The following RPS6KC1 variants were observed in gnomAD, a reference collection of about 807,000 sequenced individuals.
RPS6KC1 encodes the protein ribosomal protein S6 kinase C1.
In RPS6KC1, 54 loss-of-function variants were observed where a neutral mutation model predicts 103.8. That is an observed-to-expected ratio of 0.52 (90% CI 0.42 to 0.65). RPS6KC1 has a LOEUF of 0.65. RPS6KC1 is among the 30% of genes least tolerant of loss of function. RPS6KC1 has a pLI of 0.00. For synonymous variants in RPS6KC1, 439 were observed against 438.7 expected, an observed-to-expected ratio of 1.00 and a Z score of -0.01; for missense variants, 1,151 against 1,253.8, an observed-to-expected ratio of 0.92 and a Z score of 1.24.
the RPS6KC1 span, among the ~76,000 whole-genome samples, chr1:213,475,249 T>C: frequency 6.6e-6 from 1 of 152,130 alleles, no homozygotes; most frequent in Admixed American, 6.5e-5. Context: ...GGGCCTCCTT[T>C]CCCCACTCAC....
chr1:213,154,496 C>T (rs2089639849), intron 6 of RPS6KC1, among the ~76,000 whole-genome samples: 1 of 152,220 alleles, frequency 6.6e-6, no homozygotes, highest in African/African-American at 2.4e-5. Context: ...TCTTCCTTCC[C>T]TTTTCTGAAG....
the RPS6KC1 span, among the ~76,000 whole-genome samples, chr1:213,642,889 C>T: frequency 0.02 from 2,976 of 151,750 alleles, 76 homozygotes; most frequent in African/African-American, 0.068. Flanking sequence ...AGGGAGGTAG[C>T]GTATTTTTTC....
the RPS6KC1 span, among the ~76,000 whole-genome samples, chr1:213,471,980 T>C: frequency 6.6e-6 from 1 of 152,150 alleles, no homozygotes; most frequent in Non-Finnish European, 1.5e-5. Context: ...AACACAGCTG[T>C]AGGACTCAAC....
chr1:213,188,860 A>C (rs748294778), intron 8 of RPS6KC1, among the ~76,000 whole-genome samples: 1 of 151,734 alleles, frequency 6.6e-6, no homozygotes, highest in Non-Finnish European at 1.5e-5. Context: ...ATGTAAATAT[A>C]GACCCGATTA....
the RPS6KC1 span, among the ~76,000 whole-genome samples, chr1:213,571,538 T>C: frequency 6.6e-6 from 1 of 152,186 alleles, no homozygotes; most frequent in East Asian, 1.9e-4. Flanking sequence ...AGATGGCCAT[T>C]CCCCAGGCTC....
At chr1:213,490,892 C>T in the RPS6KC1 span, among the ~76,000 whole-genome samples, 1 of 152,172 alleles carries the variant, frequency 6.6e-6, no homozygotes, top group Non-Finnish European at 1.5e-5. Flanking sequence ...ACCTCACCTT[C>T]CGTTTCTCAC....
chr1:213,290,144 CAA>C, the RPS6KC1 span, among the ~76,000 whole-genome samples: 9 of 70,094 alleles, frequency 1.3e-4, no homozygotes, highest in Non-Finnish European at 1.5e-4. Context: ...GACTCCGTCT[CAA>C]AAAAAAAAAA....
chr1:213,850,474 T>C, the RPS6KC1 span, among the ~76,000 whole-genome samples: 1 of 152,182 alleles, frequency 6.6e-6, no homozygotes, highest in East Asian at 1.9e-4. Context: ...TGTTCTACCC[T>C]GCTACACAGG....
rs553651951 is a variant in RPS6KC1, at chr1:213,072,383, T to C, written c.141+1342T>C. On this transcript the variant is annotated intron_variant, in intron 2 of 14. Transcript: ENST00000366960. ...TTTGTCCTATGATTTAAAACAGATATATTTTTATACAAAAATTAGCTGGGC... is the reference window on the plus strand; with the variant it reads ...TTTGTCCTATGATTTAAAACAGATACATTTTTATACAAAAATTAGCTGGGC... Among the ~76,000 whole-genome samples, 12 of 152,186 alleles carry C rather than the reference T, an allele frequency of 7.9e-5. No homozygotes were observed. In the East Asian group the frequency reaches 1.7e-3, roughly 22 times the overall value.
At chr1:213,354,853 A>G in the RPS6KC1 span, among the ~76,000 whole-genome samples, 9 of 152,200 alleles carry the variant, frequency 5.9e-5, no homozygotes, top group African/African-American at 1.9e-4. Flanking sequence ...ATATTGCCAC[A>G]TTGGGGATTA....
chr1:213,070,606 A>T (rs967323986), intron 1 of RPS6KC1, among the ~76,000 whole-genome samples: 1 of 152,222 alleles, frequency 6.6e-6, no homozygotes, highest in Non-Finnish European at 1.5e-5. Context: ...AAGGAAACTG[A>T]AACAGCTGTA....
chr1:213,263,048 T>G (rs2094835549), intron 14 of RPS6KC1, among the ~76,000 whole-genome samples: 2 of 152,164 alleles, frequency 1.3e-5, no homozygotes, highest in Non-Finnish European at 2.9e-5. Context: ...TCCCAAAAAT[T>G]TAGGGCTCAC....
the RPS6KC1 span, among the ~76,000 whole-genome samples, chr1:213,747,792 A>G: frequency 6.6e-6 from 1 of 152,178 alleles, no homozygotes; most frequent in African/African-American, 2.4e-5. Context: ...GGTAATGTGT[A>G]CTCTGCTGGT....
chr1:213,522,424 A>G, the RPS6KC1 span, among the ~76,000 whole-genome samples: 90,536 of 152,062 alleles, frequency 0.6, 28,530 homozygotes, highest in Non-Finnish European at 0.7. Flanking sequence ...AGAATGGTCA[A>G]TGAGCATTGG....
At chr1:213,857,656 T>C in the RPS6KC1 span, among the ~76,000 whole-genome samples, 1 of 152,234 alleles carries the variant, frequency 6.6e-6, no homozygotes, top group African/African-American at 2.4e-5. Context: ...GTCTTGACAC[T>C]GTTCTGGGCA....
At chr1:213,708,376 A>G in the RPS6KC1 span, among the ~76,000 whole-genome samples, 1 of 152,160 alleles carries the variant, frequency 6.6e-6, no homozygotes, top group Non-Finnish European at 1.5e-5. Flanking sequence ...GTGTTTTTGC[A>G]CATTGATTTT....
intron 10 of RPS6KC1, among the ~76,000 whole-genome samples, chr1:213,240,120 CATATT>C (rs1364856712): frequency 6.6e-6 from 1 of 152,032 alleles, no homozygotes; most frequent in Non-Finnish European, 1.5e-5. Context: ...ACTTATATAA[CATATT>C]ACATGTAAGG....
At chr1:213,770,934 C>T in the RPS6KC1 span, among the ~76,000 whole-genome samples, 1 of 152,220 alleles carries the variant, frequency 6.6e-6, no homozygotes. Flanking sequence ...ATAAATATAG[C>T]TGTTACATAG....
intron 14 of RPS6KC1, among the ~76,000 whole-genome samples, chr1:213,271,255 G>C (rs992965796): frequency 6.6e-6 from 1 of 152,186 alleles, no homozygotes; most frequent in Non-Finnish European, 1.5e-5. Context: ...GGAATGGCCT[G>C]TTGATACCTG....
Sources: gnomAD v4.1 joint callset for allele counts (sites outside exome capture counted in the v4.1 genomes callset) on GRCh38, gnomAD v4.1.1 for gene constraint, MANE v1.5 for transcripts, NCBI Gene and HGNC (gene_info 2026-07-23, HGNC 2026-07-21) for gene names.